Variants in SUGCT observed in about 807,000 individuals in gnomAD.
SUGCT encodes succinyl-CoA:glutarate CoA-transferase.
SUGCT carries 41 observed loss-of-function variants against 55.0 expected under a neutral mutation model. The ratio of observed to expected loss-of-function variants is 0.74; its 90% CI spans 0.58 to 0.97. The LOEUF is 0.97. Ranked by LOEUF, SUGCT falls within the 50% of genes least tolerant of loss-of-function variation. The pLI, the probability that SUGCT is intolerant of heterozygous loss-of-function variation, is 0.00. For synonymous variants in SUGCT, 187 were observed against 200.4 expected (o/e 0.93, Z 0.56); for missense variants, 568 against 547.8 (o/e 1.04, Z -0.37).
intron 1 of SUGCT, among the ~76,000 whole-genome samples, chr7:40,139,788 G>T (rs1463384710): frequency 6.6e-6 from 1 of 152,120 alleles, no homozygotes; most frequent in Non-Finnish European, 1.5e-5. Context: ...TGAGGTCTCA[G>T]TCATGAATTC....
chr7:40,496,213 G>A lies in SUGCT; in HGVS notation c.987-71G>A, dbSNP rs186533115. 7.4e-3 allele frequency: 6,779 copies of A among 912,902 alleles called. 32 individuals carry two copies. Among genetic ancestry groups the A allele is most frequent in the Non-Finnish European group, 8.8e-3 (5,050 of 572,076 alleles). 56.6% of individuals were successfully genotyped at this position (912,902 alleles called of 1,614,324 possible). A position where few individuals can be genotyped will look rare whatever the true frequency, so the allele number is the denominator to read the frequency against. On this transcript the variant is annotated intron_variant, in intron 11 of 13. Coordinates refer to ENST00000335693, the MANE Select transcript of SUGCT (RefSeq NM_001193313.2). ...ATGACTATTGCTTGCTTTCAAAGAG[G>A]GCCACATGATAGAAGAGGCTGTGTT... is the stretch of plus-strand genomic sequence containing the variant.
At chr7:40,750,842 A>C (rs910567025) in intron 13 of SUGCT, among the ~76,000 whole-genome samples, 1 of 152,180 alleles carries the variant, frequency 6.6e-6, no homozygotes, top group Non-Finnish European at 1.5e-5. Context: ...AAATGTTGAC[A>C]AAAGCTAAGA....
At position 40,194,837 on chromosome 7, in the gene SUGCT, T is replaced by C. The variant is rs368397390; in HGVS notation, c.364-103T>C. 9.6e-4 allele frequency: 1,290 copies of C among 1,342,640 alleles called. 27 individuals are homozygous for C. The South Asian group carries it at 0.02, about 21-fold the overall frequency. The allele number at this position is 1,342,640 out of a possible 1,614,324, so 83.2% of individuals were successfully genotyped here. On this transcript the variant is annotated intron_variant, in intron 5 of 13. Transcript: ENST00000335693. ...ATTTGCTTCATCAGTCCTGTGATTTTTCTGAGCTATTACAAAGGGAGAATC... is the reference window on the plus strand; with the variant it reads ...ATTTGCTTCATCAGTCCTGTGATTTCTCTGAGCTATTACAAAGGGAGAATC...
At chr7:40,455,738 C>T (rs1789451147) in intron 10 of SUGCT, among the ~76,000 whole-genome samples, 2 of 152,188 alleles carry the variant, frequency 1.3e-5, no homozygotes, top group South Asian at 4.1e-4. Flanking sequence ...AGCTAGATTC[C>T]AGTAGTTCTT....
At chr7:40,719,851 A>G (rs1786226607) in intron 12 of SUGCT, among the ~76,000 whole-genome samples, 1 of 152,134 alleles carries the variant, frequency 6.6e-6, no homozygotes, top group African/African-American at 2.4e-5. Context: ...GCTGGCATGC[A>G]GTGGCACGAT....
the SUGCT span, among the ~76,000 whole-genome samples, chr7:40,893,663 AC>A: frequency 6.6e-6 from 1 of 152,100 alleles, no homozygotes; most frequent in Admixed American, 6.5e-5. Flanking sequence ...CAGTAAAAAA[AC>A]CTGTTTTGAA....
At chr7:40,970,326 C>T in the SUGCT span, among the ~76,000 whole-genome samples, 1 of 152,152 alleles carries the variant, frequency 6.6e-6, no homozygotes, top group African/African-American at 2.4e-5. Flanking sequence ...CACTCGCCAC[C>T]ATGCCCAGCT....
intron 8 of SUGCT, among the ~76,000 whole-genome samples, chr7:40,314,943 G>A (rs1470059796): frequency 3.3e-5 from 5 of 152,138 alleles, no homozygotes; most frequent in East Asian, 1.9e-4. Flanking sequence ...TTGTAAGCAC[G>A]TTGAAGATTA....
chr7:40,442,343 G>T (rs1486532482), intron 9 of SUGCT, among the ~76,000 whole-genome samples: 1 of 152,116 alleles, frequency 6.6e-6, no homozygotes, highest in African/African-American at 2.4e-5. Context: ...AGTTAGGTTA[G>T]ATTTCACTCA....
At chr7:40,982,796 T>C in the SUGCT span, among the ~76,000 whole-genome samples, 1 of 152,094 alleles carries the variant, frequency 6.6e-6, no homozygotes, top group African/African-American at 2.4e-5. Flanking sequence ...TACAGGCATG[T>C]GCCACTATGC....
chr7:40,937,862 C>CAA, the SUGCT span, among the ~76,000 whole-genome samples: 3 of 152,148 alleles, frequency 2.0e-5, no homozygotes, highest in African/African-American at 7.2e-5. Context: ...CTGTGGAAGA[C>CAA]AATTTTTCCA....
chr7:40,579,795 A>G (rs1205229031), intron 12 of SUGCT, among the ~76,000 whole-genome samples: 1 of 152,166 alleles, frequency 6.6e-6, no homozygotes, highest in African/African-American at 2.4e-5. Context: ...CTTAGCTGAC[A>G]TACCCAATGT....
intron 7 of SUGCT, among the ~76,000 whole-genome samples, chr7:40,251,173 A>G (rs1236790902): frequency 2.0e-5 from 3 of 152,112 alleles, no homozygotes; most frequent in African/African-American, 7.2e-5. Context: ...TCCATCATGT[A>G]TTGATTTCAT....
chr7:40,563,979 G>A (rs1038068967), intron 12 of SUGCT, among the ~76,000 whole-genome samples: 9 of 152,124 alleles, frequency 5.9e-5, no homozygotes, highest in African/African-American at 2.2e-4. Flanking sequence ...CACAATGAGT[G>A]GGATATGTAT....
the SUGCT span, among the ~76,000 whole-genome samples, chr7:41,000,672 T>C: frequency 6.6e-6 from 1 of 152,228 alleles, no homozygotes; most frequent in Admixed American, 6.5e-5. Flanking sequence ...TGGTGTGATC[T>C]GATTTATATT....
At chr7:40,453,257 C>A (rs1399184406) in intron 10 of SUGCT, among the ~76,000 whole-genome samples, 3 of 152,162 alleles carry the variant, frequency 2.0e-5, no homozygotes, top group African/African-American at 7.2e-5. Context: ...GAGCTGTGAT[C>A]CCAAAGAAAG....
chr7:40,586,561 A>G (rs1398695631), intron 12 of SUGCT, among the ~76,000 whole-genome samples: 2 of 152,238 alleles, frequency 1.3e-5, no homozygotes, highest in East Asian at 1.9e-4. Flanking sequence ...AGTAAGGAAT[A>G]TAGTAAAAGC....
At chr7:40,495,162 T>C (rs1330217060) in intron 11 of SUGCT, among the ~76,000 whole-genome samples, 1 of 151,950 alleles carries the variant, frequency 6.6e-6, no homozygotes, top group East Asian at 1.9e-4. Context: ...TCCACCCACC[T>C]TGGCCTCCCA....
chr7:40,319,904 C>T (rs1325205384), intron 9 of SUGCT, among the ~76,000 whole-genome samples: 1 of 151,962 alleles, frequency 6.6e-6, no homozygotes, highest in Non-Finnish European at 1.5e-5. Flanking sequence ...CTTACTGCAG[C>T]CTCGACCTGC....
Sources: gnomAD v4.1 joint callset for allele counts (sites outside exome capture counted in the v4.1 genomes callset) on GRCh38, gnomAD v4.1.1 for gene constraint, MANE v1.5 for transcripts, NCBI Gene and HGNC (gene_info 2026-07-23, HGNC 2026-07-21) for gene names.